Variants in SLC25A23 observed in about 807,000 individuals in gnomAD.
The protein encoded by SLC25A23 is mitochondrial adenyl nucleotide antiporter SLC25A23.
In SLC25A23, 32 loss-of-function variants were observed where a neutral mutation model predicts 53.9. The ratio of observed to expected loss-of-function variants is 0.59; its 90% CI spans 0.45 to 0.80. The LOEUF (loss-of-function observed/expected upper bound fraction) is 0.80, where lower values mean the gene tolerates loss of function less well. SLC25A23 is among the 30% of genes least tolerant of loss of function. The probability of loss-of-function intolerance (pLI) is 0.00; values close to 1 mark genes in which losing one functional copy is unlikely to be tolerated. For synonymous variants in SLC25A23, 275 were observed against 264.5 expected (o/e 1.04, Z -0.38); for missense variants, 575 against 651.4 (o/e 0.88, Z 1.28).
downstream of SLC25A23, among the ~76,000 whole-genome samples, chr19:6,436,697 C>A (rs1037841829): frequency 6.6e-6 from 1 of 151,138 alleles, no homozygotes; most frequent in Non-Finnish European, 1.5e-5. Context: ...TTATAGGTGC[C>A]CGCCACCACG....
rs140629156 is a variant in SLC25A23, at chr19:6,458,091, G to T, written c.283+107C>A. 50 of 1,406,256 alleles carry T rather than the reference G, an allele frequency of 3.6e-5. No homozygotes were observed. The Admixed American group carries it at 4.4e-4, about 12-fold the overall frequency. 87.1% of individuals were successfully genotyped at this position (1,406,256 alleles called of 1,614,324 possible). A position where few individuals can be genotyped will look rare whatever the true frequency, so the allele number is the denominator to read the frequency against. On this transcript the variant is annotated intron_variant, in intron 2 of 9. Coordinates refer to ENST00000301454, the MANE Select transcript of SLC25A23 (RefSeq NM_024103.3). ...AGCCTATGAGTCATCGGGGAGAAGC[G>T]GCCCTCCCCCTCTCCTCCTAGCGCT... is the stretch of plus-strand genomic sequence containing the variant.
At chr19:6,447,548 A>G (rs1301436348) in intron 8 of SLC25A23, among the ~76,000 whole-genome samples, 2 of 152,144 alleles carry the variant, frequency 1.3e-5, no homozygotes, top group East Asian at 1.9e-4. Context: ...CAATGGCACC[A>G]TCTCGGCTCA....
Position 6,459,655 on chromosome 19 carries a change from C to A in SLC25A23, c.-27G>T. On this transcript the variant is annotated 5_prime_UTR_variant, in exon 1 of 10. Transcript: ENST00000301454. This position sits in a 1 kb window ranked among gnomAD's most constrained non-coding sequence, Gnocchi z 4.6. ...GCGCCCGCCCGGGGGGGAGGGGAGG[C>A]CCGGCAGCGGCGGCCTCAGTGGGGG... The A allele has an allele frequency of 3.7e-6, 5 of 1,340,848 alleles. No individual in the cohort carries two copies. Among genetic ancestry groups the A allele is most frequent in the Admixed American group, 3.9e-5 (1 of 25,596 alleles). 83.1% of individuals were successfully genotyped at this position (1,340,848 alleles called of 1,614,324 possible).
chr19:6,444,308 T>G lies in SLC25A23; in HGVS notation c.1072-7A>C. 6.7e-7 allele frequency: 1 copy of G among 1,485,174 alleles called. No individual in the cohort carries two copies. The highest frequency in any genetic ancestry group is 9.2e-7 in the Non-Finnish European group (1 of 1,087,854). 92.0% of individuals were successfully genotyped at this position (1,485,174 alleles called of 1,614,324 possible). On this transcript the variant is annotated splice_polypyrimidine_tract_variant and splice_region_variant and intron_variant, in intron 8 of 9. Coordinates refer to ENST00000301454, the MANE Select transcript of SLC25A23 (RefSeq NM_024103.3). ...GCCACCAGTTCTTCAGAGTCTGGAGTGGAGAAGGGAGTAGGGAGGGTTGGG... is the reference window on the plus strand; with the variant it reads ...GCCACCAGTTCTTCAGAGTCTGGAGGGGAGAAGGGAGTAGGGAGGGTTGGG...
rs1322726978 is a variant in SLC25A23 at position 6,444,183 on chromosome 19, A to T, written c.1190T>A (p.Leu397Gln). The T allele has an allele frequency of 6.3e-7, 1 of 1,597,468 alleles. No individual in the cohort carries two copies. Among genetic ancestry groups the T allele is most frequent in the African/African-American group, 1.3e-5 (1 of 74,782 alleles). ...CTGCATGCGGGTCCGGACCAGGGCC[A>T]GCGGGTAACTGGCTATCTGGCCGCA... ...STCGQIASYP[L>Q]ALVRTRMQAQ... Residue 397 changes from leucine (L) to glutamine (Q), a missense_variant, in exon 9 of 10, where the codon CTG becomes CAG. Physicochemically the swap from Leu to Gln is moderately radical, Grantham distance 113. Coordinates refer to ENST00000301454, the MANE Select transcript of SLC25A23 (RefSeq NM_024103.3).
At chr19:6,436,972 C>T (rs1374225487), downstream of SLC25A23, among the ~76,000 whole-genome samples, 3 of 152,050 alleles carry the variant, frequency 2.0e-5, no homozygotes, top group Non-Finnish European at 2.9e-5. Context: ...CCTCAGCCTT[C>T]CGAGTAGCTG....
At chr19:6,456,190 G>T in intron 4 of SLC25A23, 1 of 1,263,588 alleles carries the variant, frequency 7.9e-7, no homozygotes, top group Non-Finnish European at 1.1e-6. Context: ...AGGCCCCGAT[G>T]TAAGTCTCAA....
intron 1 of SLC25A23, 118 bp from the exon 2 acceptor site, chr19:6,458,442 G>C (rs957774970): frequency 1.7e-6 from 2 of 1,152,294 alleles, no homozygotes; most frequent in African/African-American, 3.1e-5. Context: ...GAAGGGGATA[G>C]AAGACGTCAC....
At chr19:6,452,117 T>A (rs1415593457) in intron 8 of SLC25A23, among the ~76,000 whole-genome samples, 195 bp downstream of exon 8, 2 of 152,058 alleles carry the variant, frequency 1.3e-5, no homozygotes, top group African/African-American at 4.8e-5. Context: ...TAATCAAAAG[T>A]AAGTGGAGAA....
Position 6,454,413 on chromosome 19 carries a change from C to T in SLC25A23, c.705G>A (p.Glu235=). Residue 235 remains glutamate (E), a synonymous_variant, in exon 6 of 10, where the codon GAG becomes GAA. Transcript: ENST00000301454. The surrounding 1 kb of genome is among the most constrained non-coding windows in gnomAD (Gnocchi z 4.3). ...CGCGCCACAGGGAGCGGATGCCTCC[C>T]TCAAGGACCATGCTTCGAAGCCCCC... ...ILGGLRSMVL[E]GGIRSLWRGN... 2 of 1,614,180 alleles carry T rather than the reference C, an allele frequency of 1.2e-6. No homozygotes were observed. Among genetic ancestry groups the T allele is most frequent in the East Asian group, 2.2e-5 (1 of 44,890 alleles).
In SLC25A23 at chr19:6,454,450, A is replaced by G; in HGVS notation, c.668T>C (p.Leu223Pro). Residue 223 changes from leucine (L) to proline (P), a missense_variant, in exon 6 of 10, where the codon CTG becomes CCG. Physicochemically the swap from Leu to Pro is moderately conservative, Grantham distance 98 (BLOSUM62 -3). Coordinates refer to ENST00000301454, the MANE Select transcript of SLC25A23 (RefSeq NM_024103.3). This position sits in a 1 kb window ranked among gnomAD's most constrained non-coding sequence, Gnocchi z 4.3. ...MQVHASKTNR[L>P]NILGGLRSMV... ...GCTTCGAAGCCCCCCAAGGATGTTC[A>G]GCCGGTTGGTCTTTGAGGCATGGAC... 6.2e-7 allele frequency: 1 copy of G among 1,614,144 alleles called. No homozygotes were observed. The highest frequency in any genetic ancestry group is 1.7e-5 in the Admixed American group (1 of 60,022).
chr19:6,454,005 G>A lies in SLC25A23; in HGVS notation c.879C>T (p.Ala293=), dbSNP rs1396831782. 1 of 1,613,272 alleles carries A rather than the reference G, an allele frequency of 6.2e-7. No individual in the cohort carries two copies. Among genetic ancestry groups the A allele is most frequent in the Admixed American group, 1.7e-5 (1 of 59,982 alleles). Reference sequence around the variant, plus strand: ...CCTCCATAGGGTAAATGATGGTTTGGGCTGTGGCACCAGCCAGGGAGCCAG... The same window carrying A: ...CCTCCATAGGGTAAATGATGGTTTGAGCTGTGGCACCAGCCAGGGAGCCAG... The part of the protein sequence containing the change: ...FVAGSLAGAT[A]QTIIYPMEVL... Residue 293 remains alanine (A), a synonymous_variant, in exon 7 of 10, where the codon GCC becomes GCT. Coordinates refer to ENST00000301454, the MANE Select transcript of SLC25A23 (RefSeq NM_024103.3). The surrounding 1 kb of genome is among the most constrained non-coding windows in gnomAD (Gnocchi z 4.3).
At position 6,456,521 on chromosome 19, in the gene SLC25A23, C is replaced by G. The variant is rs756085750; in HGVS notation, c.382G>C (p.Asp128His). 3.1e-6 allele frequency: 5 copies of G among 1,613,294 alleles called. No homozygotes were observed. The South Asian group carries it at 5.5e-5, about 18-fold the overall frequency. The change falls in exon 4 of 10, where the codon GAC (aspartate) becomes CAC (histidine). Residue 128 changes from aspartate to histidine, a missense_variant. Coordinates refer to ENST00000301454, the MANE Select transcript of SLC25A23 (RefSeq NM_024103.3). ...AEKILHSMDR[D>H]GTMTIDWQEW... ...TGCCAGTCAATGGTCATTGTGCCGT[C>G]TCGGTCCATGCTGGGGGGAAGAAAG...
Position 6,459,180 on chromosome 19 carries a change from C to T in SLC25A23, c.156+293G>A, listed in dbSNP as rs1460092947. On this transcript the variant is annotated intron_variant, in intron 1 of 9. Transcript: ENST00000301454. The surrounding 1 kb of genome is among the most constrained non-coding windows in gnomAD (Gnocchi z 4.6). ...CTGTGCAGTCTGGAGGAGGGTGTGTCCCGGGCAGTGGGCAGGAAAGCGCCC... is the reference window on the plus strand; with the variant it reads ...CTGTGCAGTCTGGAGGAGGGTGTGTTCCGGGCAGTGGGCAGGAAAGCGCCC... Among the ~76,000 whole-genome samples, 1 of 152,126 alleles carries T rather than the reference C, an allele frequency of 6.6e-6. No individual in the cohort carries two copies. Among genetic ancestry groups the T allele is most frequent in the African/African-American group, 2.4e-5 (1 of 41,412 alleles).
intron 1 of SLC25A23, 111 bp from the exon 2 acceptor site, chr19:6,458,435 G>A (rs2092714245): frequency 1.0e-5 from 13 of 1,243,188 alleles, no homozygotes; most frequent in Middle Eastern, 1.9e-4. Flanking sequence ...CCTTGAGGAA[G>A]GGGATAGAAG....
chr19:6,455,445 G>A (rs1446121118), intron 4 of SLC25A23, among the ~76,000 whole-genome samples: 3 of 151,806 alleles, frequency 2.0e-5, no homozygotes, highest in East Asian at 1.9e-4. Flanking sequence ...AAATCTCACA[G>A]GGATCTCCTC....
Position 6,441,999 on chromosome 19 carries a change from C to T in SLC25A23, c.1383G>A (p.Gln461=), listed in dbSNP as rs907814005. 1.2e-6 allele frequency: 2 copies of T among 1,613,854 alleles called. No homozygotes were observed. Among genetic ancestry groups the T allele is most frequent in the Non-Finnish European group, 1.7e-6 (2 of 1,179,918 alleles). ...ISYVVYENMK[Q]ALGVTSR is the part of the protein sequence containing the mutation. ...CTCACCTGGACGTGACCCCCAAGGC[C>T]TGCTTCATGTTCTCGTAGACCACAT... is the stretch of plus-strand genomic sequence containing the variant. Residue 461 remains glutamine (Q), a synonymous_variant, in exon 10 of 10, where the codon CAG becomes CAA. Transcript: ENST00000301454.
chr19:6,438,996 G>A (rs1265250377), downstream of SLC25A23, among the ~76,000 whole-genome samples: 3 of 152,090 alleles, frequency 2.0e-5, no homozygotes, highest in Non-Finnish European at 4.4e-5. Context: ...AGCCGAGATC[G>A]TGTCACTGCA....
intron 8 of SLC25A23, among the ~76,000 whole-genome samples, chr19:6,452,031 G>T (rs2092600009): frequency 6.6e-6 from 1 of 151,892 alleles, no homozygotes; most frequent in Non-Finnish European, 1.5e-5. Context: ...GCTAATTTTT[G>T]TAATCTTTGC....
Sources: gnomAD v4.1 joint callset for allele counts (sites outside exome capture counted in the v4.1 genomes callset) on GRCh38, gnomAD v4.1.1 for gene constraint, Gnocchi (gnomAD v3.1) non-coding constraint, MANE v1.5 for transcripts, NCBI Gene and HGNC (gene_info 2026-07-23, HGNC 2026-07-21) for gene names.